The following BACH2 variants were observed in gnomAD, a reference collection of about 807,000 sequenced individuals.
BACH2 encodes transcription regulator protein BACH2.
Under a neutral mutation model 61.8 loss-of-function variants are expected in BACH2, and 5 were observed. The ratio of observed to expected loss-of-function variants is 0.08; its 90% CI spans 0.04 to 0.17. The LOEUF (loss-of-function observed/expected upper bound fraction) is 0.17. Ranked by LOEUF, BACH2 falls within the 10% of genes least tolerant of loss-of-function variation. BACH2 has a pLI of 1.00. For synonymous variants in BACH2, 446 were observed against 440.1 expected, an observed-to-expected ratio of 1.01 and a Z score of -0.17; for missense variants, 824 against 1,091.1, an observed-to-expected ratio of 0.76 and a Z score of 3.45.
chr6:90,033,942 A>C (rs1160760401), intron 5 of BACH2, among the ~76,000 whole-genome samples: 1 of 152,200 alleles, frequency 6.6e-6, no homozygotes, highest in Non-Finnish European at 1.5e-5. Context: ...CAGTCAAGGA[A>C]AAGTTCATAA....
Position 89,950,966 on chromosome 6 carries a change from G to C in BACH2, c.1140C>G (p.Asp380Glu), listed in dbSNP as rs773850000. The C allele has an allele frequency of 1.3e-6, 2 of 1,572,086 alleles. No homozygotes were observed. The highest frequency in any genetic ancestry group is 1.7e-6 in the Non-Finnish European group (2 of 1,159,786). The change falls in exon 7 of 9, where the codon GAC becomes GAG. Residue 380 changes from aspartate to glutamate, a missense_variant. By Grantham distance (45) the Asp-to-Glu change is conservative. Around this residue, in one of 8 missense-constraint regions of BACH2, gnomAD observed 226 missense variants for 228.5 expected, o/e 0.99. Coordinates refer to ENST00000257749, the MANE Select transcript of BACH2 (RefSeq NM_021813.4). The surrounding 1 kb of genome is among the most constrained non-coding windows in gnomAD (Gnocchi z 5.3). ...TGAAAGGGGTGTAGTCAGTTTTAAG[G>C]TCACCCTGAGTGATCCCCTTGTCAA... ...CPFDKGITQGDLKTDYTPFTG... is the reference protein window; with the variant it reads ...CPFDKGITQGELKTDYTPFTG...
chr6:89,935,414 C>T (rs150801980), intron 8 of BACH2, among the ~76,000 whole-genome samples: 4 of 152,248 alleles, frequency 2.6e-5, no homozygotes, highest in African/African-American at 7.2e-5. Flanking sequence ...GGCCAAAGCA[C>T]GGACCCCTCC....
intron 4 of BACH2, among the ~76,000 whole-genome samples, chr6:90,168,659 G>C (rs377583991): frequency 6.6e-6 from 1 of 152,200 alleles, no homozygotes; most frequent in South Asian, 2.1e-4. Context: ...TGTCTGTTAA[G>C]TAGTTAGATC....
At chr6:90,102,440 G>T (rs1356647475) in intron 4 of BACH2, among the ~76,000 whole-genome samples, 2 of 152,086 alleles carry the variant, frequency 1.3e-5, no homozygotes, top group Admixed American at 1.3e-4. Flanking sequence ...AATCTAAAGG[G>T]TTTGTTTCAA....
chr6:90,058,332 GACAA>G (rs1267712385), intron 5 of BACH2, among the ~76,000 whole-genome samples: 2 of 152,110 alleles, frequency 1.3e-5, no homozygotes, highest in African/African-American at 2.4e-5. Context: ...ACCAATAACA[GACAA>G]ACAGAGAGCC....
At chr6:90,025,503 A>G (rs4053616) in intron 5 of BACH2, among the ~76,000 whole-genome samples, 101,469 of 152,030 alleles carry the variant, frequency 0.67, 34,448 homozygotes, top group South Asian at 0.85. Flanking sequence ...CATGTGCTTC[A>G]TGCCTATTAG....
chr6:90,050,796 A>G (rs761625013), intron 5 of BACH2, among the ~76,000 whole-genome samples: 70 of 151,492 alleles, frequency 4.6e-4, no homozygotes, highest in Non-Finnish European at 9.3e-4. Context: ...TTGAGATGGA[A>G]TCTTGCTCTG....
At chr6:90,241,018 C>T (rs1258858259) in intron 3 of BACH2, among the ~76,000 whole-genome samples, 1 of 151,304 alleles carries the variant, frequency 6.6e-6, no homozygotes, top group Non-Finnish European at 1.5e-5. Context: ...CCTGTAGTCT[C>T]CAGCTACTTG....
At chr6:89,993,167 T>C (rs1046496623) in intron 6 of BACH2, among the ~76,000 whole-genome samples, 2 of 152,192 alleles carry the variant, frequency 1.3e-5, no homozygotes, top group African/African-American at 4.8e-5. Context: ...TGAATTTCTG[T>C]TGTTTAAGCC....
chr6:90,290,765 T>C (rs1453183437), intron 1 of BACH2, among the ~76,000 whole-genome samples: 1 of 152,220 alleles, frequency 6.6e-6, no homozygotes, highest in Non-Finnish European at 1.5e-5. Flanking sequence ...TCCTGAAGTA[T>C]CTGCAGAAAG....
chr6:90,137,299 T>TATCTGAG (rs1283472267), intron 4 of BACH2, among the ~76,000 whole-genome samples: 1 of 152,220 alleles, frequency 6.6e-6, no homozygotes, highest in Non-Finnish European at 1.5e-5. Flanking sequence ...AGAGGCATAC[T>TATCTGAG]AGTTCTTTGC....
chr6:90,223,509 C>T (rs1769810654), intron 3 of BACH2, among the ~76,000 whole-genome samples: 1 of 152,136 alleles, frequency 6.6e-6, no homozygotes. Context: ...ACTGCAGTTG[C>T]CCAGGCTGGA....
intron 4 of BACH2, among the ~76,000 whole-genome samples, chr6:90,168,462 C>T (rs574235689): frequency 1.3e-5 from 2 of 152,164 alleles, no homozygotes; most frequent in Admixed American, 1.3e-4. Context: ...ATATTATTGA[C>T]ATGCAAAGAT....
intron 1 of BACH2, among the ~76,000 whole-genome samples, chr6:90,286,678 T>TC (rs1430637384): frequency 6.6e-6 from 1 of 152,232 alleles, no homozygotes; most frequent in Non-Finnish European, 1.5e-5. Context: ...CTTTCAGACT[T>TC]CAACTTTAGG....
intron 5 of BACH2, among the ~76,000 whole-genome samples, chr6:90,084,866 GA>G (rs531673448): frequency 2.9e-4 from 44 of 152,074 alleles, no homozygotes; most frequent in Middle Eastern, 3.4e-3. Flanking sequence ...TGAACTTTTT[GA>G]AACCATGGAT....
At chr6:90,050,147 A>G (rs143701178) in intron 5 of BACH2, among the ~76,000 whole-genome samples, 134 of 152,342 alleles carry the variant, frequency 8.8e-4, no homozygotes, top group African/African-American at 3.2e-3. Context: ...TGATAATAAC[A>G]TTAATAGGTG....
chr6:90,279,578 T>C (rs1771796350), intron 1 of BACH2, among the ~76,000 whole-genome samples: 1 of 151,190 alleles, frequency 6.6e-6, no homozygotes, highest in Non-Finnish European at 1.5e-5. Context: ...CCCTCTGTCA[T>C]ACATTATCTC....
Position 90,014,455 on chromosome 6 carries a change from TA to T in BACH2, c.-12-5600del. The stretch of plus-strand genomic sequence containing the variant: ...GTGTGTGTGTGTATATATATATATA[TA>T]TATATATATATATTTTTTTTTTTTT... On this transcript the variant is annotated intron_variant, in intron 5 of 8. Transcript: ENST00000257749. 3.6e-5 allele frequency among the ~76,000 whole-genome samples: 3 copies of T among 83,966 alleles called. No homozygotes were observed. In the South Asian group the frequency reaches 1.3e-3, roughly 36 times the overall value. The allele number at this position is 83,966 out of a possible 152,430, so 55.1% of individuals were successfully genotyped here. A position where few individuals can be genotyped will look rare whatever the true frequency, so the allele number is the denominator to read the frequency against.
intron 4 of BACH2, among the ~76,000 whole-genome samples, chr6:90,136,162 C>T (rs1447624522): frequency 1.3e-5 from 2 of 152,226 alleles, no homozygotes; most frequent in African/African-American, 4.8e-5. Flanking sequence ...TGACTCTGCG[C>T]TGTTTTGTTG....
Sources: gnomAD v4.1 joint callset for allele counts (sites outside exome capture counted in the v4.1 genomes callset) on GRCh38, gnomAD v4.1.1 for gene constraint, gnomAD v4.1.1 regional missense constraint, Gnocchi (gnomAD v3.1) non-coding constraint, MANE v1.5 for transcripts, NCBI Gene and HGNC (gene_info 2026-07-23, HGNC 2026-07-21) for gene names.